Variants in SPATA16 observed in about 807,000 individuals in gnomAD.
SPATA16 encodes spermatogenesis associated 16.
Under a neutral mutation model 63.3 loss-of-function variants are expected in SPATA16, and 36 were observed. The observed-to-expected ratio is 0.57, with a 90% confidence interval of 0.44 to 0.75. SPATA16 has a LOEUF of 0.75. SPATA16 is among the 30% of genes least tolerant of loss of function. The probability of loss-of-function intolerance (pLI) is 0.00; values close to 1 mark genes in which losing one functional copy is unlikely to be tolerated. For synonymous variants in SPATA16, 203 were observed against 216.7 expected, an observed-to-expected ratio of 0.94 and a Z score of 0.56; for missense variants, 646 against 679.3, an observed-to-expected ratio of 0.95 and a Z score of 0.54.
At chr3:172,962,519 T>C (rs1030964991) in intron 5 of SPATA16, among the ~76,000 whole-genome samples, 2 of 152,180 alleles carry the variant, frequency 1.3e-5, no homozygotes, top group African/African-American at 2.4e-5. Flanking sequence ...AATCCCTTTT[T>C]ATCTACTAAT....
At chr3:173,019,370 G>C in intron 4 of SPATA16, 116 bp downstream of exon 4, 1 of 921,804 alleles carries the variant, frequency 1.1e-6, no homozygotes, top group Non-Finnish European at 1.8e-6. Flanking sequence ...ACAATAATTT[G>C]GATAAAATCA....
chr3:172,933,912 A>G (rs982366902), intron 6 of SPATA16, among the ~76,000 whole-genome samples: 3 of 152,154 alleles, frequency 2.0e-5, no homozygotes, highest in Non-Finnish European at 4.4e-5. Flanking sequence ...AATTTCTAGG[A>G]AGCACGTTTT....
rs141843378 is a variant in SPATA16, at chr3:172,970,295, C to T, written c.933+6673G>A. Among the ~76,000 whole-genome samples, 96 of 152,216 alleles carry T rather than the reference C, an allele frequency of 6.3e-4. No individual in the cohort carries two copies. In the East Asian group the frequency reaches 0.017, roughly 27 times the overall value. On this transcript the variant is annotated intron_variant, in intron 5 of 10. Transcript: ENST00000351008. ...AGGTACTTCTCGTTGGCCTACATTTCCTATATTTCTGTCAAATTTTCTCAT... is the reference window on the plus strand; with the variant it reads ...AGGTACTTCTCGTTGGCCTACATTTTCTATATTTCTGTCAAATTTTCTCAT...
In SPATA16 at chr3:172,924,302, A is replaced by G. The variant is rs1732679079; in HGVS notation, c.1244T>C (p.Phe415Ser). Reference protein sequence around the residue: ...LPIFTEHKTPFGLTREDTVRQ... With the variant: ...LPIFTEHKTPSGLTREDTVRQ... ...CACTGTATCTTCTCTGGTCAGACCG[A>G]AAGGTGTTTTATGCTCTAAAAATTG... Residue 415 changes from phenylalanine to serine, a missense_variant, in exon 8 of 11, where the codon TTC (phenylalanine) becomes TCC (serine). Phe to Ser is a radical substitution (Grantham distance 155, BLOSUM62 -2). Transcript: ENST00000351008. 6.2e-7 allele frequency: 1 copy of G among 1,612,866 alleles called. No homozygotes were observed. Among genetic ancestry groups the G allele is most frequent in the East Asian group, 2.2e-5 (1 of 44,802 alleles).
At chr3:172,898,710 T>C (rs910625885) in intron 10 of SPATA16, among the ~76,000 whole-genome samples, 3 of 151,664 alleles carry the variant, frequency 2.0e-5, no homozygotes, top group South Asian at 2.1e-4. Context: ...TTCATTTCCA[T>C]TGATTTCTAG....
intron 3 of SPATA16, among the ~76,000 whole-genome samples, chr3:173,045,124 G>A (rs558949030): frequency 7.2e-5 from 11 of 152,256 alleles, no homozygotes; most frequent in African/African-American, 2.2e-4. Flanking sequence ...AGAACTTACA[G>A]TAAATTCCCA....
intron 2 of SPATA16, among the ~76,000 whole-genome samples, chr3:173,105,098 T>G (rs1466309773): frequency 6.6e-6 from 1 of 152,226 alleles, no homozygotes; most frequent in Non-Finnish European, 1.5e-5. Context: ...TCTATTCTTT[T>G]AACATGAGTC....
At chr3:172,977,187 A>G (rs1734182718) in intron 4 of SPATA16, 135 bp from the exon 5 acceptor site, 2 of 756,272 alleles carry the variant, frequency 2.6e-6, no homozygotes, top group Admixed American at 2.3e-5. Context: ...AATATTAAGC[A>G]AAACACAAAG....
intron 9 of SPATA16, 81 bp downstream of exon 9, chr3:172,916,231 ATTTTT>A: frequency 9.1e-7 from 1 of 1,101,196 alleles, no homozygotes; most frequent in Non-Finnish European, 1.3e-6. Flanking sequence ...TTACCACAGG[ATTTTT>A]TTTTTTTTTT....
At chr3:172,934,337 A>T (rs1732934367) in intron 6 of SPATA16, among the ~76,000 whole-genome samples, 1 of 152,170 alleles carries the variant, frequency 6.6e-6, no homozygotes, top group East Asian at 1.9e-4. Flanking sequence ...CATATGAGAT[A>T]AGAAAAAGTG....
rs117142947 is a variant in SPATA16, at chr3:173,059,202, A to T, written c.613-10108T>A. 1.2e-3 allele frequency among the ~76,000 whole-genome samples: 180 copies of T among 151,940 alleles called. 5 individuals carry two copies. In the East Asian group the frequency reaches 0.031, roughly 26 times the overall value. On this transcript the variant is annotated intron_variant, in intron 2 of 10. Coordinates refer to ENST00000351008, the MANE Select transcript of SPATA16 (RefSeq NM_031955.6). The stretch of plus-strand genomic sequence containing the variant: ...GATTATTGTGTTTTCTCTAAAAACA[A>T]CAAACTCTTAGATTAATTGATTAAG...
intron 4 of SPATA16, among the ~76,000 whole-genome samples, chr3:173,017,365 G>T (rs1035349134): frequency 1.3e-5 from 2 of 152,206 alleles, no homozygotes; most frequent in African/African-American, 4.8e-5. Context: ...GACAAGGGCA[G>T]TGGAATAGTC....
intron 8 of SPATA16, among the ~76,000 whole-genome samples, chr3:172,918,571 G>T (rs975003148): frequency 6.6e-6 from 1 of 151,982 alleles, no homozygotes; most frequent in African/African-American, 2.4e-5. Context: ...GAAAGACAAA[G>T]TGAAAAAGAA....
chr3:173,074,083 G>T (rs1215903341), intron 2 of SPATA16, among the ~76,000 whole-genome samples: 1 of 152,108 alleles, frequency 6.6e-6, no homozygotes, highest in African/African-American at 2.4e-5. Flanking sequence ...TCTTCCACTT[G>T]GAATGGGTGT....
intron 6 of SPATA16, among the ~76,000 whole-genome samples, chr3:172,953,974 T>C (rs2108232498): frequency 6.6e-6 from 1 of 152,314 alleles, no homozygotes; most frequent in African/African-American, 2.4e-5. Flanking sequence ...ACTCTTATGT[T>C]TGCACACATC....
chr3:173,016,982 C>CTCCA (rs1212510068), intron 4 of SPATA16, among the ~76,000 whole-genome samples: 5 of 148,820 alleles, frequency 3.4e-5, no homozygotes, highest in African/African-American at 1.2e-4. Flanking sequence ...TGCCACTGTA[C>CTCCA]TCCAGCCTGG....
intron 10 of SPATA16, among the ~76,000 whole-genome samples, chr3:172,903,932 C>A (rs1442636396): frequency 6.6e-6 from 1 of 152,164 alleles, no homozygotes; most frequent in Non-Finnish European, 1.5e-5. Flanking sequence ...AGAATCTGAA[C>A]TTAGGTCAGG....
Position 173,028,047 on chromosome 3 carries a change from C to T in SPATA16, c.759-8472G>A, listed in dbSNP as rs190295046. ...CTTTCCTTCCTTCCTTCCTTCCTTC[C>T]TTCCTTCCTTCCTTCCTTCCTTCCT... On this transcript the variant is annotated intron_variant, in intron 3 of 10. Coordinates refer to ENST00000351008, the MANE Select transcript of SPATA16 (RefSeq NM_031955.6). 5.3e-3 allele frequency among the ~76,000 whole-genome samples: 484 copies of T among 91,706 alleles called. 11 individuals carry two copies. Among genetic ancestry groups the T allele is most frequent in the African/African-American group, 0.02 (424 of 21,236 alleles). The allele number at this position is 91,706 out of a possible 152,430, so 60.2% of individuals were successfully genotyped here. A position where few individuals can be genotyped will look rare whatever the true frequency, so the allele number is the denominator to read the frequency against.
chr3:172,978,788 G>C (rs79775336), intron 4 of SPATA16, among the ~76,000 whole-genome samples: 1,794 of 152,282 alleles, frequency 0.012, 35 homozygotes, highest in African/African-American at 0.041. Flanking sequence ...ACTTTGCTTT[G>C]CAGAAGCAGC....
Sources: gnomAD v4.1 joint callset for allele counts (sites outside exome capture counted in the v4.1 genomes callset) on GRCh38, gnomAD v4.1.1 for gene constraint, MANE v1.5 for transcripts, NCBI Gene and HGNC (gene_info 2026-07-23, HGNC 2026-07-21) for gene names.